The following SLMAP variants were observed in gnomAD, a reference collection of about 807,000 sequenced individuals.
The protein encoded by SLMAP is sarcolemmal membrane-associated protein.
A neutral mutation model predicts 128.8 loss-of-function variants in SLMAP; 44 were observed. The observed-to-expected ratio is 0.34, with a 90% CI of 0.27 to 0.44. The LOEUF is 0.44. SLMAP is among the 20% of genes least tolerant of loss of function. SLMAP has a pLI of 1.00. For missense variants in SLMAP, 787 were observed against 985.3 expected, an observed-to-expected ratio of 0.80 and a Z score of 2.69; for synonymous variants, 327 against 348.8, an observed-to-expected ratio of 0.94 and a Z score of 0.70.
chr3:57,927,212 C>T (rs1020373985), intron 24 of SLMAP, 84 bp from the exon 25 acceptor site: 71 of 718,508 alleles, frequency 9.9e-5, no homozygotes, highest in Non-Finnish European at 1.5e-4. Context: ...GTTAAGTATT[C>T]AGGACTCTCT....
At chr3:57,830,169 G>C (rs1157082494) in intron 2 of SLMAP, among the ~76,000 whole-genome samples, 1 of 152,098 alleles carries the variant, frequency 6.6e-6, no homozygotes, top group Admixed American at 6.5e-5. Context: ...CAAGTAGCTG[G>C]GATTACAGGC....
intron 6 of SLMAP, among the ~76,000 whole-genome samples, chr3:57,857,104 T>G (rs1022021013): frequency 6.6e-5 from 10 of 152,158 alleles, no homozygotes; most frequent in African/African-American, 1.9e-4. Flanking sequence ...CTTTTTCTAT[T>G]GTATGTTTTT....
chr3:57,913,404 A>G (rs920405908), intron 21 of SLMAP, 129 bp downstream of exon 21: 3 of 522,384 alleles, frequency 5.7e-6, no homozygotes, highest in African/African-American at 1.9e-5. Flanking sequence ...CTGTTTGGCT[A>G]TTTGGCAGGT....
intron 14 of SLMAP, among the ~76,000 whole-genome samples, chr3:57,884,382 G>A (rs1197153499): frequency 5.9e-5 from 9 of 152,154 alleles, no homozygotes; most frequent in African/African-American, 2.2e-4. Context: ...TCTCACTGGG[G>A]AAAAGTGGGA....
chr3:57,760,768 C>T (rs1268866737), intron 2 of SLMAP, among the ~76,000 whole-genome samples: 1 of 152,012 alleles, frequency 6.6e-6, no homozygotes, highest in Non-Finnish European at 1.5e-5. Flanking sequence ...GTTCTTGTTG[C>T]CCAGGCTGGA....
chr3:57,869,304 G>A (rs1460874926), intron 13 of SLMAP, among the ~76,000 whole-genome samples: 1 of 150,942 alleles, frequency 6.6e-6, no homozygotes, highest in Non-Finnish European at 1.5e-5. Flanking sequence ...ATTAGGTTGT[G>A]CCCACCCAGA....
At chr3:57,764,767 T>C (rs762963004) in intron 2 of SLMAP, among the ~76,000 whole-genome samples, 3 of 152,206 alleles carry the variant, frequency 2.0e-5, no homozygotes, top group Non-Finnish European at 4.4e-5. Flanking sequence ...AGCTATTAAA[T>C]GGTAGAATTG....
chr3:57,807,751 C>A (rs1055036180), intron 2 of SLMAP, among the ~76,000 whole-genome samples: 7 of 151,954 alleles, frequency 4.6e-5, no homozygotes, highest in Non-Finnish European at 7.4e-5. Flanking sequence ...TTGTTGTGTC[C>A]AGAGTTTTGG....
chr3:57,853,937 G>C (rs2094600830), intron 6 of SLMAP, among the ~76,000 whole-genome samples: 1 of 53,916 alleles, frequency 1.9e-5, no homozygotes, highest in Non-Finnish European at 3.0e-5. Flanking sequence ...GTGAAATTCT[G>C]TCTCAAAAAA....
intron 2 of SLMAP, among the ~76,000 whole-genome samples, chr3:57,779,528 AAAAT>A (rs1375870806): frequency 1.3e-5 from 2 of 151,632 alleles, no homozygotes; most frequent in African/African-American, 4.8e-5. Context: ...AAAAAAAACA[AAAAT>A]AAAATAAAAA....
chr3:57,898,840 A>G (rs765995408), intron 17 of SLMAP: 3 of 152,202 alleles, frequency 2.0e-5, no homozygotes, highest in East Asian at 1.9e-4. Flanking sequence ...GTCCTTGGCA[A>G]ATTGCTTAAC....
At chr3:57,799,596 C>T (rs952171027) in intron 2 of SLMAP, among the ~76,000 whole-genome samples, 2 of 151,866 alleles carry the variant, frequency 1.3e-5, no homozygotes, top group African/African-American at 4.8e-5. Flanking sequence ...TTTGTGTTTG[C>T]TGTTTTTATT....
intron 19 of SLMAP, among the ~76,000 whole-genome samples, chr3:57,910,319 G>A (rs1365692624): frequency 6.6e-6 from 1 of 152,060 alleles, no homozygotes; most frequent in East Asian, 1.9e-4. Flanking sequence ...AAGTAGCTGG[G>A]ACTACAGGTG....
At chr3:57,909,669 A>G (rs984787568) in intron 19 of SLMAP, among the ~76,000 whole-genome samples, 3 of 151,402 alleles carry the variant, frequency 2.0e-5, no homozygotes, top group African/African-American at 7.3e-5. Context: ...CTGGAGTACA[A>G]TGGCGCGGTC....
chr3:57,887,403 G>T (rs920920185), intron 14 of SLMAP, among the ~76,000 whole-genome samples: 61 of 151,862 alleles, frequency 4.0e-4, no homozygotes, highest in Admixed American at 3.2e-3. Flanking sequence ...CTAATTTTGG[G>T]GTTTCTCCAT....
intron 17 of SLMAP, among the ~76,000 whole-genome samples, chr3:57,904,645 A>G (rs1000595230): frequency 2.0e-5 from 3 of 152,144 alleles, no homozygotes; most frequent in African/African-American, 7.2e-5. Context: ...ATGGTAGCTC[A>G]TACCTGTAAT....
chr3:57,888,344 G>T (rs1311290246), intron 14 of SLMAP, among the ~76,000 whole-genome samples: 1 of 152,014 alleles, frequency 6.6e-6, no homozygotes, highest in African/African-American at 2.4e-5. Context: ...CTGATTATAG[G>T]CCAGGCGCAG....
In SLMAP at chr3:57,899,870, A is replaced by G. The variant is rs1420973573; in HGVS notation, c.1501+2938A>G. ...ATTTTAGAAGAGTCTCCAAGAGATAATTATCATAGCCCTTTATGGTCATTA... is the reference window on the plus strand; with the variant it reads ...ATTTTAGAAGAGTCTCCAAGAGATAGTTATCATAGCCCTTTATGGTCATTA... On this transcript the variant is annotated intron_variant, in intron 17 of 24. Transcript: ENST00000671191. 4 of 152,222 alleles carry G rather than the reference A, an allele frequency of 2.6e-5. 1 individual carries two copies. The highest frequency in any genetic ancestry group is 4.4e-5 in the Non-Finnish European group (3 of 68,046). 9.4% of individuals were successfully genotyped at this position (152,222 alleles called of 1,614,324 possible).
intron 2 of SLMAP, among the ~76,000 whole-genome samples, chr3:57,807,373 G>A (rs768332178): frequency 3.7e-4 from 56 of 152,092 alleles, no homozygotes; most frequent in Non-Finnish European, 6.5e-4. Context: ...TCTTGTGCTG[G>A]TTTTCAAAGG....
Sources: gnomAD v4.1 joint callset for allele counts (sites outside exome capture counted in the v4.1 genomes callset) on GRCh38, gnomAD v4.1.1 for gene constraint, MANE v1.5 for transcripts, NCBI Gene and HGNC (gene_info 2026-07-23, HGNC 2026-07-21) for gene names.